LRRC14B: variants seen among roughly 807,000 people sequenced by gnomAD.
The protein encoded by LRRC14B is leucine-rich repeat-containing protein 14B.
LRRC14B carries 23 observed loss-of-function variants against 16.9 expected under a neutral mutation model. That is an observed-to-expected ratio of 1.36 (90% CI 0.98 to 1.92). The LOEUF (loss-of-function observed/expected upper bound fraction) is 1.92, where lower values mean the gene tolerates loss of function less well. Among genes scored for constraint, LRRC14B ranks in the 30% most tolerant of loss-of-function variants. The probability of loss-of-function intolerance (pLI) is 0.00; values close to 1 mark genes in which losing one functional copy is unlikely to be tolerated. For missense variants in LRRC14B, 766 were observed against 705.7 expected (o/e 1.09, Z -0.97); for synonymous variants, 358 against 332.5 (o/e 1.08, Z -0.83).
In LRRC14B at chr5:195,125, C is replaced by T. The variant is rs201722107; in HGVS notation, c.1317C>T (p.Asp439=). 1.0e-4 allele frequency: 165 copies of T among 1,613,862 alleles called. No individual in the cohort carries two copies. Among genetic ancestry groups the T allele is most frequent in the South Asian group, 4.6e-4 (42 of 91,094 alleles). The change falls in exon 2 of 2, where the codon GAC becomes GAT. Residue 439 remains aspartate, a synonymous_variant. Coordinates refer to ENST00000328278, the MANE Select transcript of LRRC14B (RefSeq NM_001080478.3). The part of the protein sequence containing the change: ...CYPEGAAYPQ[D]ELAMSKFNQQ... ...CCGAGGGTGCCGCCTACCCACAGGA[C>T]GAGCTGGCCATGTCCAAGTTCAACC...
Position 195,226 on chromosome 5 carries a change from C to T in LRRC14B, c.1418C>T (p.Ser473Phe), listed in dbSNP as rs1395446155. Residue 473 changes from serine to phenylalanine, a missense_variant, in exon 2 of 2, where the codon TCC (serine) becomes TTC (phenylalanine). Transcript: ENST00000328278. ...LRADREDIQV[S>F]TPLFGSFDPD... ...GCTGACCGAGAGGACATCCAAGTCT[C>T]CACACCTCTCTTTGGAAGTTTTGAC... 1.9e-6 allele frequency: 3 copies of T among 1,613,698 alleles called. No homozygotes were observed. The highest frequency in any genetic ancestry group is 2.5e-6 in the Non-Finnish European group (3 of 1,179,894).
chr5:192,117 G>A lies in LRRC14B; in HGVS notation c.579G>A (p.Ala193=), dbSNP rs760265961. The A allele has an allele frequency of 2.0e-5, 31 of 1,568,506 alleles. No individual in the cohort carries two copies. The highest frequency in any genetic ancestry group is 3.3e-4 in the Middle Eastern group (2 of 5,992). The change falls in exon 1 of 2, where the codon GCG becomes GCA. Residue 193 remains alanine, a synonymous_variant. Coordinates refer to ENST00000328278, the MANE Select transcript of LRRC14B (RefSeq NM_001080478.3). ...GGGTGCACTGCCCCTCGTTCCGGGCGGACAGCCTGAGCCCCAGCCAGCTCC... is the reference window on the plus strand; with the variant it reads ...GGGTGCACTGCCCCTCGTTCCGGGCAGACAGCCTGAGCCCCAGCCAGCTCC... ...PLRVHCPSFR[A]DSLSPSQLLH...
In LRRC14B at chr5:191,723, T is replaced by G; in HGVS notation, c.185T>G (p.Phe62Cys). Residue 62 changes from phenylalanine to cysteine, a missense_variant, in exon 1 of 2, where the codon TTC becomes TGC. Phe to Cys is a radical substitution (Grantham distance 205, BLOSUM62 -2). Transcript: ENST00000328278. Reference sequence around the variant, plus strand: ...CTGGGGCGCTGGCCCCTGGAGGAGTTCCGGCTGGGAGCGCTGCTGGGTCCT... The same window carrying G: ...CTGGGGCGCTGGCCCCTGGAGGAGTGCCGGCTGGGAGCGCTGCTGGGTCCT... ...AVLGRWPLEEFRLGALLGPGA... is the reference protein window; with the variant it reads ...AVLGRWPLEECRLGALLGPGA... 1.3e-6 allele frequency: 2 copies of G among 1,578,028 alleles called. No homozygotes were observed. Among genetic ancestry groups the G allele is most frequent in the Non-Finnish European group, 1.7e-6 (2 of 1,162,838 alleles).
chr5:195,457 A>G lies in LRRC14B; in HGVS notation c.*104A>G. On this transcript the variant is annotated 3_prime_UTR_variant, in exon 2 of 2. Coordinates refer to ENST00000328278, the MANE Select transcript of LRRC14B (RefSeq NM_001080478.3). The stretch of plus-strand genomic sequence containing the variant: ...GGGCCCGGCATTCATCCCCACCACC[A>G]CCACCACCAAAAGCAGTTCTTAGTG... 1.9e-6 allele frequency: 2 copies of G among 1,038,544 alleles called. No homozygotes were observed. The highest frequency in any genetic ancestry group is 1.4e-6 in the Non-Finnish European group (1 of 724,192). The allele number at this position is 1,038,544 out of a possible 1,614,324, so 64.3% of individuals were successfully genotyped here. A position where few individuals can be genotyped will look rare whatever the true frequency, so the allele number is the denominator to read the frequency against.
chr5:191,746 C>G lies in LRRC14B; in HGVS notation c.208C>G (p.Pro70Ala), dbSNP rs191701023. ...GTTCCGGCTGGGAGCGCTGCTGGGTCCTGGTGCCGACCACCCCCAGGACCT... is the reference window on the plus strand; with the variant it reads ...GTTCCGGCTGGGAGCGCTGCTGGGTGCTGGTGCCGACCACCCCCAGGACCT... Reference protein sequence around the residue: ...EEFRLGALLGPGADHPQDLRD... With the variant: ...EEFRLGALLGAGADHPQDLRD... The change falls in exon 1 of 2, where the codon CCT becomes GCT. Residue 70 changes from proline (P) to alanine (A), a missense_variant. Pro to Ala is a conservative substitution (Grantham distance 27, BLOSUM62 -1). Coordinates refer to ENST00000328278, the MANE Select transcript of LRRC14B (RefSeq NM_001080478.3). 1.7e-3 allele frequency: 2,712 copies of G among 1,557,920 alleles called. 46 individuals carry two copies. In the African/African-American group the frequency reaches 0.034, roughly 19 times the overall value.
intron 1 of LRRC14B, 34 bp downstream of exon 1, chr5:192,471 G>C: frequency 6.8e-7 from 1 of 1,479,532 alleles, no homozygotes. Context: ...GGGCGGGCTG[G>C]TGGCTGCAGA....
chr5:195,098 C>T lies in LRRC14B; in HGVS notation c.1290C>T (p.Tyr430=). 1 of 1,613,932 alleles carries T rather than the reference C, an allele frequency of 6.2e-7. No homozygotes were observed. Among genetic ancestry groups the T allele is most frequent in the Non-Finnish European group, 8.5e-7 (1 of 1,179,902 alleles). ...CIEFPVPKDC[Y]PEGAAYPQDE... is the part of the protein sequence containing the mutation. ...AGTTCCCGGTGCCCAAGGACTGCTACCCCGAGGGTGCCGCCTACCCACAGG... is the reference window on the plus strand; with the variant it reads ...AGTTCCCGGTGCCCAAGGACTGCTATCCCGAGGGTGCCGCCTACCCACAGG... The change falls in exon 2 of 2, where the codon TAC becomes TAT. Residue 430 remains tyrosine, a synonymous_variant. Coordinates refer to ENST00000328278, the MANE Select transcript of LRRC14B (RefSeq NM_001080478.3).
Position 192,057 on chromosome 5 carries a change from G to C in LRRC14B, c.519G>C (p.Val173=). The change falls in exon 1 of 2, where the codon GTG becomes GTC. Residue 173 remains valine, a synonymous_variant. Transcript: ENST00000328278. ...CTGAGGGCAACTTCGAGGCGGTGGTGCAGGCTCTGAGGCCAGCGGGCCCGG... is the reference window on the plus strand; with the variant it reads ...CTGAGGGCAACTTCGAGGCGGTGGTCCAGGCTCTGAGGCCAGCGGGCCCGG... The part of the protein sequence containing the change: ...FVTEGNFEAV[V]QALRPAGPAP... 1 of 1,544,784 alleles carries C rather than the reference G, an allele frequency of 6.5e-7. No individual in the cohort carries two copies. Among genetic ancestry groups the C allele is most frequent in the Non-Finnish European group, 8.7e-7 (1 of 1,150,542 alleles).
chr5:195,798 T>G lies in LRRC14B; in HGVS notation c.*445T>G. 1.2e-5 allele frequency: 2 copies of G among 166,746 alleles called. No homozygotes were observed. The highest frequency in any genetic ancestry group is 1.7e-4 in the East Asian group (1 of 5,764). 10.3% of individuals were successfully genotyped at this position (166,746 alleles called of 1,614,324 possible). A position where few individuals can be genotyped will look rare whatever the true frequency, so the allele number is the denominator to read the frequency against. Reference sequence around the variant, plus strand: ...AACACATCACAGAAACTGCACAAAATAAGCAGCCCATGAAAAACAACCGAG... The same window carrying G: ...AACACATCACAGAAACTGCACAAAAGAAGCAGCCCATGAAAAACAACCGAG... On this transcript the variant is annotated 3_prime_UTR_variant, in exon 2 of 2. Transcript: ENST00000328278.
chr5:191,649 G>T lies in LRRC14B; in HGVS notation c.111G>T (p.Leu37=). The part of the protein sequence containing the change: ...DSVAHNLYPL[L]FKASYLLEQA... ...TGGCCCACAACCTCTACCCACTCCT[G>T]TTCAAAGCCAGCTACCTGCTGGAGC... The change falls in exon 1 of 2, where the codon CTG becomes CTT. Residue 37 remains leucine (L), a synonymous_variant. Coordinates refer to ENST00000328278, the MANE Select transcript of LRRC14B (RefSeq NM_001080478.3). 1 of 1,609,026 alleles carries T rather than the reference G, an allele frequency of 6.2e-7. No individual in the cohort carries two copies. The highest frequency in any genetic ancestry group is 1.1e-5 in the South Asian group (1 of 90,118).
intron 1 of LRRC14B, among the ~76,000 whole-genome samples, chr5:193,436 C>A (rs1242120567): frequency 7.7e-6 from 1 of 129,818 alleles, no homozygotes; most frequent in Admixed American, 7.6e-5. Flanking sequence ...GGGCTGGGGG[C>A]ACATGGCAGT....
intron 1 of LRRC14B, among the ~76,000 whole-genome samples, chr5:193,282 G>A (rs1610149): frequency 0.53 from 75,720 of 143,968 alleles, 22,302 homozygotes; most frequent in Non-Finnish European, 0.67. Flanking sequence ...GCAACCTAGC[G>A]GTGGGTCCGG....
rs1320457993 is a variant in LRRC14B at position 191,628 on chromosome 5, C to T, written c.90C>T (p.Ala30=). 6.2e-7 allele frequency: 1 copy of T among 1,610,888 alleles called. No homozygotes were observed. The highest frequency in any genetic ancestry group is 1.3e-5 in the African/African-American group (1 of 75,010). ...QVARQSLDSV[A]HNLYPLLFKA... is the part of the protein sequence containing the mutation. Reference sequence around the variant, plus strand: ...CCCGGCAGAGCCTGGACAGCGTGGCCCACAACCTCTACCCACTCCTGTTCA... The same window carrying T: ...CCCGGCAGAGCCTGGACAGCGTGGCTCACAACCTCTACCCACTCCTGTTCA... The change falls in exon 1 of 2, where the codon GCC becomes GCT. Residue 30 remains alanine (A), a synonymous_variant. Transcript: ENST00000328278.
intron 1 of LRRC14B, 37 bp from the exon 2 acceptor site, chr5:194,671 C>T (rs1254706042): frequency 6.5e-7 from 1 of 1,545,282 alleles, no homozygotes; most frequent in South Asian, 1.3e-5. Flanking sequence ...TCCTGGGACC[C>T]TCCTCTCACC....
chr5:195,403 C>T lies in LRRC14B; in HGVS notation c.*50C>T, dbSNP rs1386289110. The T allele has an allele frequency of 6.5e-6, 10 of 1,529,522 alleles. No individual in the cohort carries two copies. Among genetic ancestry groups the T allele is most frequent in the Non-Finnish European group, 8.8e-6 (10 of 1,134,606 alleles). 94.7% of individuals were successfully genotyped at this position (1,529,522 alleles called of 1,614,324 possible). A position where few individuals can be genotyped will look rare whatever the true frequency, so the allele number is the denominator to read the frequency against. On this transcript the variant is annotated 3_prime_UTR_variant, in exon 2 of 2. Transcript: ENST00000328278. ...GTCTTGCATTTCAGCCTGCAGGTGC[C>T]CCGGGCTTTAGTCCTGGATCTGAGG...
rs778437806 is a variant in LRRC14B at position 192,424 on chromosome 5, C to T, written c.886C>T (p.Pro296Ser). 6.5e-7 allele frequency: 1 copy of T among 1,538,138 alleles called. No homozygotes were observed. The highest frequency in any genetic ancestry group is 2.3e-5 in the East Asian group (1 of 43,394). ...CTTCTCCACGCTGACCGGGAAGATC[C>T]CGACGCTGCTTGGGTGAGTCTTGGG... Reference protein sequence around the residue: ...VAFSTLTGKIPTLLGPLQTPL... With the variant: ...VAFSTLTGKISTLLGPLQTPL... Residue 296 changes from proline to serine, a missense_variant, in exon 1 of 2, where the codon CCG becomes TCG. Coordinates refer to ENST00000328278, the MANE Select transcript of LRRC14B (RefSeq NM_001080478.3).
intron 1 of LRRC14B, among the ~76,000 whole-genome samples, chr5:193,315 G>A (rs1218557991): frequency 3.3e-5 from 5 of 150,280 alleles, no homozygotes; most frequent in Non-Finnish European, 7.4e-5. Context: ...TTTGGGTCCT[G>A]GGGGTGGGAC....
At chr5:193,915 G>T (rs1733858998) in intron 1 of LRRC14B, among the ~76,000 whole-genome samples, 1 of 152,090 alleles carries the variant, frequency 6.6e-6, no homozygotes, top group Admixed American at 6.6e-5. Context: ...ATGTCCCGAT[G>T]CAGTTCTGCT....
Position 192,019 on chromosome 5 carries a change from G to T in LRRC14B, c.481G>T (p.Asp161Tyr). The change falls in exon 1 of 2, where the codon GAC becomes TAC. Residue 161 changes from aspartate (D) to tyrosine (Y), a missense_variant. Physicochemically the swap from Asp to Tyr is radical, Grantham distance 160 (BLOSUM62 -3). Transcript: ENST00000328278. The part of the protein sequence containing the change: ...AAGRPVEVLA[D>Y]LFVTEGNFEA... The stretch of plus-strand genomic sequence containing the variant: ...CGGGCGCCCCGTCGAGGTCCTCGCC[G>T]ACCTCTTCGTCACTGAGGGCAACTT... The T allele has an allele frequency of 2.0e-6, 3 of 1,536,572 alleles. No individual in the cohort carries two copies. Among genetic ancestry groups the T allele is most frequent in the South Asian group, 1.2e-5 (1 of 84,132 alleles).
Sources: allele counts gnomAD v4.1 joint callset (sites outside exome capture counted in the v4.1 genomes callset), GRCh38; gene constraint gnomAD v4.1.1; transcripts MANE v1.5; gene names NCBI Gene and HGNC (gene_info 2026-07-23, HGNC 2026-07-21).